Variants in GUCY2D observed in about 807,000 individuals in gnomAD.
GUCY2D encodes the protein retinal guanylyl cyclase 1.
In GUCY2D, 70 loss-of-function variants were observed where a neutral mutation model predicts 101.3. The observed-to-expected ratio is 0.69, with a 90% CI of 0.57 to 0.84. GUCY2D has a LOEUF of 0.84. Among genes scored for constraint, GUCY2D ranks in the 40% least tolerant of loss-of-function variants. GUCY2D has a pLI of 0.00. For synonymous variants in GUCY2D, 688 were observed against 670.7 expected (o/e 1.03, Z -0.40); for missense variants, 1,460 against 1,542.5 (o/e 0.95, Z 0.90).
chr17:8,015,518 T>C lies in GUCY2D; in HGVS notation c.2944+16T>C, dbSNP rs1339460892. On this transcript the variant is annotated intron_variant, in intron 15 of 19. Transcript: ENST00000254854. ...CTGCACTCGGGTAACTCCCGGGTCTTCCCAGGCTCCAGCCCATCTCCCTCT... is the reference window on the plus strand; with the variant it reads ...CTGCACTCGGGTAACTCCCGGGTCTCCCCAGGCTCCAGCCCATCTCCCTCT... 1.2e-6 allele frequency: 2 copies of C among 1,605,166 alleles called. No homozygotes were observed. Among genetic ancestry groups the C allele is most frequent in the Middle Eastern group, 2.2e-4 (1 of 4,590 alleles).
rs1333086687 is a variant in GUCY2D at position 8,006,723 on chromosome 17, G to A, written c.1378+9G>A. On this transcript the variant is annotated intron_variant, in intron 4 of 19. Coordinates refer to ENST00000254854, the MANE Select transcript of GUCY2D (RefSeq NM_000180.4). The stretch of plus-strand genomic sequence containing the variant: ...CAACATCTGCGGTGGAGGTGAGGGC[G>A]AGCACCCCAGTCCCCACTGAGACAA... 3 of 1,584,880 alleles carry A rather than the reference G, an allele frequency of 1.9e-6. No individual in the cohort carries two copies. Among genetic ancestry groups the A allele is most frequent in the Non-Finnish European group, 1.7e-6 (2 of 1,162,286 alleles).
At chr17:8,018,506 A>G (rs962287069) in intron 19 of GUCY2D, among the ~76,000 whole-genome samples, 2 of 152,142 alleles carry the variant, frequency 1.3e-5, no homozygotes, top group Admixed American at 6.5e-5. Flanking sequence ...CTAGCCACCA[A>G]ATTTCTTTTG....
rs779924630 is a variant in GUCY2D at position 8,004,012 on chromosome 17, A to C, written c.882A>C (p.Ala294=). ...CCCCAGGCCCGGAGGCCTTGGCCGC[A>C]CTCGCCAACAGCTCCCAGCTTCGCA... ...ALSPGPEALA[A]LANSSQLRRA... Residue 294 remains alanine, a synonymous_variant, in exon 3 of 20, where the codon GCA becomes GCC. Coordinates refer to ENST00000254854, the MANE Select transcript of GUCY2D (RefSeq NM_000180.4). 2.5e-6 allele frequency: 4 copies of C among 1,612,776 alleles called. No individual in the cohort carries two copies. The highest frequency in any genetic ancestry group is 3.4e-6 in the Non-Finnish European group (4 of 1,179,902).
At position 8,011,907 on chromosome 17, in the gene GUCY2D, C is replaced by T. The variant is rs1975857442; in HGVS notation, c.1750-237C>T. Among the ~76,000 whole-genome samples the T allele has an allele frequency of 6.6e-6, 1 of 152,212 alleles. No individual in the cohort carries two copies. The highest frequency in any genetic ancestry group is 2.1e-4 in the South Asian group (1 of 4,838). On this transcript the variant is annotated intron_variant, in intron 8 of 19. Transcript: ENST00000254854. The surrounding 1 kb of genome is among the most constrained non-coding windows in gnomAD (Gnocchi z 4.3). Reference sequence around the variant, plus strand: ...CAATGCAAAGTTGTCTTTTCATTCACAGCATTAGGCTAAACCATACTCAGT... The same window carrying T: ...CAATGCAAAGTTGTCTTTTCATTCATAGCATTAGGCTAAACCATACTCAGT...
chr17:8,009,434 G>A, intron 7 of GUCY2D, 72 bp from the exon 8 acceptor site: 1 of 917,016 alleles, frequency 1.1e-6, no homozygotes, highest in South Asian at 1.3e-5. Context: ...AAATGAGGGG[G>A]AGGGGTTCTA....
chr17:8,003,059 C>T lies in GUCY2D; in HGVS notation c.12C>T (p.Cys4=). ...CGCAGAAGCCGGCAATGACCGCCTGCGCCCGCCGAGCGGGTGGGCTTCCGG... is the reference window on the plus strand; with the variant it reads ...CGCAGAAGCCGGCAATGACCGCCTGTGCCCGCCGAGCGGGTGGGCTTCCGG... The part of the protein sequence containing the change: MTA[C]ARRAGGLPDP... Residue 4 remains cysteine, a synonymous_variant, in exon 2 of 20, where the codon TGC becomes TGT. Transcript: ENST00000254854. 1.3e-6 allele frequency: 2 copies of T among 1,526,052 alleles called. No individual in the cohort carries two copies. The highest frequency in any genetic ancestry group is 2.8e-5 in the African/African-American group (2 of 71,400). 94.5% of individuals were successfully genotyped at this position (1,526,052 alleles called of 1,614,324 possible). A position where few individuals can be genotyped will look rare whatever the true frequency, so the allele number is the denominator to read the frequency against.
chr17:8,004,089 G>T lies in GUCY2D; in HGVS notation c.959G>T (p.Ser320Ile). ...ACGCGCCACTGTCCCTCTGAAGGCA[G>T]CGTGCTGGACAGCCTGCGCAGGGCT... is the stretch of plus-strand genomic sequence containing the variant. The part of the protein sequence containing the change: ...TLTRHCPSEG[S>I]VLDSLRRAQE... The change falls in exon 3 of 20, where the codon AGC becomes ATC. Residue 320 changes from serine (S) to isoleucine (I), a missense_variant. Around this residue, in one of 3 missense-constraint regions of GUCY2D, gnomAD observed 1,196 missense variants for 1,229.6 expected, o/e 0.97. Transcript: ENST00000254854. 6.2e-7 allele frequency: 1 copy of T among 1,604,306 alleles called. No homozygotes were observed.
At position 8,009,543 on chromosome 17, in the gene GUCY2D, A is replaced by C; in HGVS notation, c.1706A>C (p.Gln569Pro). 6.2e-7 allele frequency: 1 copy of C among 1,613,848 alleles called. No individual in the cohort carries two copies. Residue 569 changes from glutamine (Q) to proline (P), a missense_variant, in exon 8 of 20, where the codon CAG (glutamine) becomes CCG (proline). Coordinates refer to ENST00000254854, the MANE Select transcript of GUCY2D (RefSeq NM_000180.4). Reference sequence around the variant, plus strand: ...TGGCTGAAGAAATTCCCAGGGGATCAGCACATAGCTATCCGCCCAGCAACC... The same window carrying C: ...TGGCTGAAGAAATTCCCAGGGGATCCGCACATAGCTATCCGCCCAGCAACC... ...RVWLKKFPGD[Q>P]HIAIRPATKT...
rs1433531909 is a variant in GUCY2D, at chr17:8,015,039, C to T, written c.2757C>T (p.His919=). 5 of 1,613,496 alleles carry T rather than the reference C, an allele frequency of 3.1e-6. No homozygotes were observed. Among genetic ancestry groups the T allele is most frequent in the East Asian group, 4.5e-5 (2 of 44,880 alleles). ...YTLFDAIIGS[H]DVYKVETIGD... is the part of the protein sequence containing the mutation. ...TCTTTGATGCCATCATTGGTTCCCACGATGTCTACAAGGTGCAGTGTGTAG... is the reference window on the plus strand; with the variant it reads ...TCTTTGATGCCATCATTGGTTCCCATGATGTCTACAAGGTGCAGTGTGTAG... The change falls in exon 14 of 20, where the codon CAC becomes CAT. Residue 919 remains histidine (H), a synonymous_variant. Coordinates refer to ENST00000254854, the MANE Select transcript of GUCY2D (RefSeq NM_000180.4).
At chr17:8,019,337 G>A (rs1313977100) in intron 19 of GUCY2D, among the ~76,000 whole-genome samples, 1 of 152,230 alleles carries the variant, frequency 6.6e-6, no homozygotes, top group Non-Finnish European at 1.5e-5. Context: ...AGGATTAGGT[G>A]CAGAGGGATT....
intron 15 of GUCY2D, 112 bp from the exon 16 acceptor site, chr17:8,015,631 G>C (rs1598151309): frequency 8.5e-6 from 10 of 1,179,600 alleles, no homozygotes; most frequent in Non-Finnish European, 1.2e-5. Context: ...ACTTAACAAG[G>C]CTTATTTGGG....
rs1975928657 is a variant in GUCY2D, at chr17:8,014,749, C to T, written c.2561C>T (p.Thr854Ile). 2.5e-6 allele frequency: 4 copies of T among 1,608,844 alleles called. No homozygotes were observed. The highest frequency in any genetic ancestry group is 1.7e-5 in the Admixed American group (1 of 59,834). Residue 854 changes from threonine to isoleucine, a missense_variant, in exon 13 of 20, where the codon ACA becomes ATA. Physicochemically the swap from Thr to Ile is moderately conservative, Grantham distance 89. This residue lies in a region of GUCY2D where 1,196 missense variants were observed against 1,229.6 expected (regional missense o/e 0.97). Transcript: ENST00000254854. The surrounding 1 kb of genome is among the most constrained non-coding windows in gnomAD (Gnocchi z 4.0). ...AAGCAGAAGACAGACCGGCTGCTTA[C>T]ACAGATGCTGCCTCCGTGGGTGCCA... is the stretch of plus-strand genomic sequence containing the variant. ...LEKQKTDRLL[T>I]QMLPPSVAEA...
At position 8,014,248 on chromosome 17, in the gene GUCY2D, A is replaced by G. The variant is rs1189161306; in HGVS notation, c.2412+220A>G. On this transcript the variant is annotated intron_variant, in intron 12 of 19. Transcript: ENST00000254854. The surrounding 1 kb of genome is among the most constrained non-coding windows in gnomAD (Gnocchi z 4.0). Reference sequence around the variant, plus strand: ...GATAGAGTTCTGTCTGGGTGGGAGGAATATTCAATTCAATTCAAATAACAC... The same window carrying G: ...GATAGAGTTCTGTCTGGGTGGGAGGGATATTCAATTCAATTCAAATAACAC... The G allele has an allele frequency of 3.2e-6, 2 of 618,142 alleles. No individual in the cohort carries two copies. Among genetic ancestry groups the G allele is most frequent in the Non-Finnish European group, 5.8e-6 (2 of 347,606 alleles). 38.3% of individuals were successfully genotyped at this position (618,142 alleles called of 1,614,324 possible).
chr17:8,005,317 C>T (rs1975716993), intron 3 of GUCY2D, among the ~76,000 whole-genome samples: 1 of 152,188 alleles, frequency 6.6e-6, no homozygotes, highest in Non-Finnish European at 1.5e-5. Flanking sequence ...CACCTTTCTC[C>T]AGATCAAGCT....
Position 8,006,576 on chromosome 17 carries a change from C to G in GUCY2D, c.1240C>G (p.Leu414Val). The G allele has an allele frequency of 6.2e-7, 1 of 1,613,580 alleles. No individual in the cohort carries two copies. The highest frequency in any genetic ancestry group is 8.5e-7 in the Non-Finnish European group (1 of 1,180,004). ...LLDTDAAGDR[L>V]FATYMLDPAR... Reference sequence around the variant, plus strand: ...AGACACGGACGCGGCGGGAGACCGGCTTTTTGCCACATACATGCTGGATCC... The same window carrying G: ...AGACACGGACGCGGCGGGAGACCGGGTTTTTGCCACATACATGCTGGATCC... The change falls in exon 4 of 20, where the codon CTT becomes GTT. Residue 414 changes from leucine to valine, a missense_variant. Transcript: ENST00000254854.
At position 8,013,221 on chromosome 17, in the gene GUCY2D, C is replaced by T. The variant is rs745306861; in HGVS notation, c.2232C>T (p.Ala744=). ...TGCAAGAAGTAGTGTGCCGCAGTGC[C>T]CCTTATGCCATGCTGGAGCTCACTC... ...IIMQEVVCRS[A]PYAMLELTPE... Residue 744 remains alanine (A), a synonymous_variant, in exon 11 of 20, where the codon GCC becomes GCT. Coordinates refer to ENST00000254854, the MANE Select transcript of GUCY2D (RefSeq NM_000180.4). This position sits in a 1 kb window ranked among gnomAD's most constrained non-coding sequence, Gnocchi z 5.0. 2 of 1,614,130 alleles carry T rather than the reference C, an allele frequency of 1.2e-6. No homozygotes were observed. Among genetic ancestry groups the T allele is most frequent in the South Asian group, 1.1e-5 (1 of 91,078 alleles).
At position 8,013,854 on chromosome 17, in the gene GUCY2D, C is replaced by T; in HGVS notation, c.2264-26C>T. 6.2e-7 allele frequency: 1 copy of T among 1,608,956 alleles called. No individual in the cohort carries two copies. Among genetic ancestry groups the T allele is most frequent in the Non-Finnish European group, 8.5e-7 (1 of 1,175,580 alleles). On this transcript the variant is annotated intron_variant, in intron 11 of 19. Transcript: ENST00000254854. The surrounding 1 kb of genome is among the most constrained non-coding windows in gnomAD (Gnocchi z 5.0). ...AGCCTTTGTGTTCTGGGGGCACTCC[C>T]CCTCACTGTCCCCTCATGCCTCCAG...
intron 15 of GUCY2D, 56 bp from the exon 16 acceptor site, chr17:8,015,687 T>C: frequency 7.3e-7 from 1 of 1,363,266 alleles, no homozygotes; most frequent in Non-Finnish European, 1.0e-6. Flanking sequence ...AGGCCCTACC[T>C]AGGTGCAGCC....
At chr17:8,016,138 C>A in intron 17 of GUCY2D, 67 bp from the exon 18 acceptor site, 2 of 1,334,762 alleles carry the variant, frequency 1.5e-6, no homozygotes, top group Non-Finnish European at 2.1e-6. Context: ...CAGTTCCACG[C>A]AGACTCGAGA....
Sources: allele counts gnomAD v4.1 joint callset (sites outside exome capture counted in the v4.1 genomes callset), GRCh38; gene constraint gnomAD v4.1.1; regional missense constraint gnomAD v4.1.1; non-coding constraint Gnocchi (gnomAD v3.1); transcripts MANE v1.5; gene names NCBI Gene and HGNC (gene_info 2026-07-23, HGNC 2026-07-21).